The following KCNJ15 variants were observed in gnomAD, a reference collection of about 807,000 sequenced individuals.
KCNJ15 encodes potassium inwardly rectifying channel subfamily J member 15.
In KCNJ15, 14 loss-of-function variants were observed where a neutral mutation model predicts 23.0. That is an observed-to-expected ratio of 0.61 (90% CI 0.40 to 0.95). KCNJ15 has a LOEUF of 0.95. Ranked by LOEUF, KCNJ15 falls within the 40% of genes least tolerant of loss-of-function variation. KCNJ15 has a pLI of 0.00. For synonymous variants in KCNJ15, 185 were observed against 183.2 expected (o/e 1.01, Z -0.08); for missense variants, 388 against 461.8 (o/e 0.84, Z 1.46).
At chr21:38,239,335 T>A (rs1439414165) in intron 1 of KCNJ15, among the ~76,000 whole-genome samples, 1 of 152,192 alleles carries the variant, frequency 6.6e-6, no homozygotes, top group African/African-American at 2.4e-5. Flanking sequence ...ATAAAATATG[T>A]TCAATTCAAT....
intron 1 of KCNJ15, among the ~76,000 whole-genome samples, chr21:38,261,224 C>T (rs1980859683): frequency 6.6e-6 from 1 of 152,148 alleles, no homozygotes; most frequent in African/African-American, 2.4e-5. Flanking sequence ...TTAGTGTCTA[C>T]ACTGGAGGCT....
At chr21:38,239,788 G>A (rs1022841730) in intron 1 of KCNJ15, among the ~76,000 whole-genome samples, 3 of 152,192 alleles carry the variant, frequency 2.0e-5, no homozygotes, top group Admixed American at 6.5e-5. Flanking sequence ...CCAACTTTAA[G>A]TAAAGTAGAA....
At chr21:38,263,644 C>CG (rs548693350) in intron 1 of KCNJ15, among the ~76,000 whole-genome samples, 31 of 152,286 alleles carry the variant, frequency 2.0e-4, no homozygotes, top group African/African-American at 7.2e-4. Context: ...CACAACCCCA[C>CG]GGGGGATGCT....
At chr21:38,256,267 A>G (rs990046872), upstream of KCNJ15, among the ~76,000 whole-genome samples, 1 of 151,590 alleles carries the variant, frequency 6.6e-6, no homozygotes. Flanking sequence ...ATGCCAGACT[A>G]TGCAAGAATG....
chr21:38,293,625 C>CCCTGAAAT (rs1284670196), intron 1 of KCNJ15, among the ~76,000 whole-genome samples: 1 of 152,168 alleles, frequency 6.6e-6, no homozygotes, highest in African/African-American at 2.4e-5. Context: ...CTGGTGCTTC[C>CCCTGAAAT]CCTGAAATCC....
intron 1 of KCNJ15, among the ~76,000 whole-genome samples, chr21:38,235,646 T>C (rs1978552594): frequency 1.3e-5 from 2 of 152,162 alleles, no homozygotes; most frequent in Non-Finnish European, 1.5e-5. Flanking sequence ...ATTGCTACCA[T>C]AGGGAGTGCC....
intron 2 of KCNJ15, among the ~76,000 whole-genome samples, chr21:38,297,475 G>A (rs1004907171): frequency 2.0e-5 from 3 of 152,172 alleles, no homozygotes; most frequent in Non-Finnish European, 2.9e-5. Flanking sequence ...TGGATTGAAT[G>A]GCATGCAGTT....
intron 1 of KCNJ15, among the ~76,000 whole-genome samples, chr21:38,241,608 C>T (rs971903611): frequency 2.6e-5 from 4 of 152,156 alleles, no homozygotes; most frequent in East Asian, 3.9e-4. Flanking sequence ...AATATACTAT[C>T]GAAGCAATCT....
At chr21:38,286,174 C>T (rs1396409680) in intron 1 of KCNJ15, among the ~76,000 whole-genome samples, 3 of 152,190 alleles carry the variant, frequency 2.0e-5, no homozygotes, top group South Asian at 4.2e-4. Flanking sequence ...ACCTGGGAGG[C>T]GGAGCTTGTA....
chr21:38,299,705 T>C lies in KCNJ15; in HGVS notation c.444T>C (p.Ala148=). The change falls in exon 3 of 3, where the codon GCT becomes GCC. Residue 148 remains alanine, a synonymous_variant. Coordinates refer to ENST00000398938, the MANE Select transcript of KCNJ15 (RefSeq NM_170736.3). This position sits in a 1 kb window ranked among gnomAD's most constrained non-coding sequence, Gnocchi z 4.5. Reference sequence around the variant, plus strand: ...CTCATGCCATCTTCCTGTTGGTTGCTCAGTTGGTCATCACGACCTTGATTG... The same window carrying C: ...CTCATGCCATCTTCCTGTTGGTTGCCCAGTTGGTCATCACGACCTTGATTG... ...ECPHAIFLLV[A]QLVITTLIEI... 1 of 1,614,130 alleles carries C rather than the reference T, an allele frequency of 6.2e-7. No homozygotes were observed. Among genetic ancestry groups the C allele is most frequent in the South Asian group, 1.1e-5 (1 of 91,080 alleles).
chr21:38,281,651 T>A (rs1487932533), intron 1 of KCNJ15, among the ~76,000 whole-genome samples: 1 of 152,224 alleles, frequency 6.6e-6, no homozygotes, highest in Non-Finnish European at 1.5e-5. Flanking sequence ...TTGTACAAAA[T>A]TTTCTTTATC....
At chr21:38,273,996 C>G (rs1323049298) in intron 1 of KCNJ15, among the ~76,000 whole-genome samples, 2 of 152,194 alleles carry the variant, frequency 1.3e-5, no homozygotes, top group Admixed American at 6.5e-5. Context: ...CGTGCTGTGA[C>G]CTTGAGCATT....
chr21:38,292,119 C>T (rs1950342025), intron 1 of KCNJ15, among the ~76,000 whole-genome samples: 1 of 152,098 alleles, frequency 6.6e-6, no homozygotes, highest in Non-Finnish European at 1.5e-5. Flanking sequence ...AGGAGTGCAG[C>T]CGTGGGAGCA....
At chr21:38,298,442 CT>C (rs1243960865) in intron 2 of KCNJ15, among the ~76,000 whole-genome samples, 1 of 152,170 alleles carries the variant, frequency 6.6e-6, no homozygotes, top group Non-Finnish European at 1.5e-5. Context: ...ATTGGTAGCA[CT>C]TTTCCAAGAA....
Position 38,299,438 on chromosome 21 carries a change from C to T in KCNJ15, c.177C>T (p.Ile59=), listed in dbSNP as rs781104281. ...LYLQDLWTTV[I]DMKWRYKLTL... is the part of the protein sequence containing the mutation. ...TGCAAGACCTGTGGACCACAGTTAT[C>T]GACATGAAGTGGAGATACAAACTCA... Residue 59 remains isoleucine (I), a synonymous_variant, in exon 3 of 3, where the codon ATC becomes ATT. Transcript: ENST00000398938. This position sits in a 1 kb window ranked among gnomAD's most constrained non-coding sequence, Gnocchi z 4.5. The T allele has an allele frequency of 1.2e-5, 19 of 1,614,028 alleles. No homozygotes were observed. Among genetic ancestry groups the T allele is most frequent in the South Asian group, 4.4e-5 (4 of 91,090 alleles).
intron 1 of KCNJ15, chr21:38,238,180 AGTTGG>A (rs2093995109): frequency 4.7e-6 from 2 of 427,680 alleles, no homozygotes; most frequent in Non-Finnish European, 8.9e-6. Context: ...GTCTTTAGTC[AGTTGG>A]GAAGCTCTAC....
chr21:38,280,147 A>G (rs1360026632), intron 1 of KCNJ15, among the ~76,000 whole-genome samples: 2 of 152,196 alleles, frequency 1.3e-5, no homozygotes, highest in African/African-American at 4.8e-5. Context: ...TGGACTGCGG[A>G]CTAGTTTCAG....
In KCNJ15 at chr21:38,271,094, G is replaced by A. The variant is rs149172700; in HGVS notation, c.-117+13909G>A. 1.1e-3 allele frequency among the ~76,000 whole-genome samples: 169 copies of A among 152,346 alleles called. 1 individual carries two copies. The highest frequency in any genetic ancestry group is 4.0e-3 in the African/African-American group (168 of 41,580). On this transcript the variant is annotated intron_variant, in intron 1 of 2. Transcript: ENST00000398938. ...GTGGACCTTTCCAAATCCTCTCAGG[G>A]ACAAAACCTGGTTGGGCATCTTCAA...
At chr21:38,281,154 T>C (rs1431049929) in intron 1 of KCNJ15, among the ~76,000 whole-genome samples, 1 of 152,162 alleles carries the variant, frequency 6.6e-6, no homozygotes, top group Non-Finnish European at 1.5e-5. Flanking sequence ...GTTTAATCAG[T>C]ATTGGTGTGA....
Sources: allele counts gnomAD v4.1 joint callset (sites outside exome capture counted in the v4.1 genomes callset), GRCh38; gene constraint gnomAD v4.1.1; non-coding constraint Gnocchi (gnomAD v3.1); transcripts MANE v1.5; gene names NCBI Gene and HGNC (gene_info 2026-07-23, HGNC 2026-07-21).